The following COL23A1 variants were observed in gnomAD, a reference collection of about 807,000 sequenced individuals.
The protein encoded by COL23A1 is collagen type XXIII alpha 1 chain.
In COL23A1, 97 loss-of-function variants were observed where a neutral mutation model predicts 99.3. The ratio of observed to expected loss-of-function variants is 0.98; its 90% confidence interval spans 0.83 to 1.16. The LOEUF is 1.16. Ranked by LOEUF, COL23A1 falls within the 50% of genes most tolerant of loss-of-function variation. COL23A1 has a pLI of 0.00. For missense variants in COL23A1, 762 were observed against 757.4 expected (o/e 1.01, Z -0.07); for synonymous variants, 320 against 308.2 (o/e 1.04, Z -0.40).
intron 2 of COL23A1, among the ~76,000 whole-genome samples, chr5:178,475,358 T>C (rs997541025): frequency 9.9e-5 from 15 of 152,042 alleles, no homozygotes; most frequent in African/African-American, 3.6e-4. Flanking sequence ...TTGGAAAAGA[T>C]GCCATTGAAG....
At chr5:178,316,530 A>G (rs1758992815) in intron 2 of COL23A1, among the ~76,000 whole-genome samples, 2 of 152,200 alleles carry the variant, frequency 1.3e-5, no homozygotes, top group Admixed American at 6.5e-5. Context: ...CCTTGCTTAG[A>G]AGTGCTCCTA....
chr5:178,254,916 TA>T, intron 16 of COL23A1, 32 bp downstream of exon 16: 1 of 1,579,248 alleles, frequency 6.3e-7, no homozygotes, highest in African/African-American at 1.4e-5. Context: ...AAATCGTATC[TA>T]AGGCACATCC....
At chr5:178,326,653 C>T (rs945622393) in intron 2 of COL23A1, among the ~76,000 whole-genome samples, 1 of 152,204 alleles carries the variant, frequency 6.6e-6, no homozygotes, top group African/African-American at 2.4e-5. Context: ...CTTTTCCCTC[C>T]ACTCACGTTC....
chr5:178,423,755 C>T (rs1197201062), intron 2 of COL23A1, among the ~76,000 whole-genome samples: 1 of 152,136 alleles, frequency 6.6e-6, no homozygotes, highest in Non-Finnish European at 1.5e-5. Flanking sequence ...GAAACTGAGG[C>T]TTGGTGAGGG....
At chr5:178,289,300 T>C (rs1484709093) in intron 4 of COL23A1, among the ~76,000 whole-genome samples, 2 of 152,154 alleles carry the variant, frequency 1.3e-5, no homozygotes, top group Non-Finnish European at 1.5e-5. Flanking sequence ...TAACTGGGAT[T>C]TACCGGGCTC....
chr5:178,277,928 G>A (rs1464827810), intron 5 of COL23A1, among the ~76,000 whole-genome samples: 1 of 152,206 alleles, frequency 6.6e-6, no homozygotes, highest in African/African-American at 2.4e-5. Flanking sequence ...GATGGAGGAT[G>A]GGACCGGCGG....
In COL23A1 at chr5:178,434,363, T is replaced by C. The variant is rs1766433223; in HGVS notation, c.361+126319A>G. On this transcript the variant is annotated intron_variant, in intron 2 of 28. Coordinates refer to ENST00000390654, the MANE Select transcript of COL23A1 (RefSeq NM_173465.4). The surrounding 1 kb of genome is among the most constrained non-coding windows in gnomAD (Gnocchi z 4.3). ...CCAGGACAGATGCAGCAACCACACA[T>C]GGTCCCACCAGGACAGCGCCCCTGC... 6.6e-6 allele frequency among the ~76,000 whole-genome samples: 1 copy of C among 152,204 alleles called. No individual in the cohort carries two copies. Among genetic ancestry groups the C allele is most frequent in the African/African-American group, 2.4e-5 (1 of 41,454 alleles).
chr5:178,382,908 G>C (rs1376984244), intron 2 of COL23A1, among the ~76,000 whole-genome samples: 1 of 152,188 alleles, frequency 6.6e-6, no homozygotes, highest in Non-Finnish European at 1.5e-5. Flanking sequence ...AGTGAAACCA[G>C]GTGGCAACCA....
rs186592151 is a variant in COL23A1, at chr5:178,343,863, A to G, written c.362-36944T>C. The stretch of plus-strand genomic sequence containing the variant: ...TTTTTAGTAGAGATGGAGTTTCACC[A>G]TGTTGGCCAGGATGGTCTCGATCTC... On this transcript the variant is annotated intron_variant, in intron 2 of 28. Coordinates refer to ENST00000390654, the MANE Select transcript of COL23A1 (RefSeq NM_173465.4). Among the ~76,000 whole-genome samples the G allele has an allele frequency of 1.2e-4, 19 of 152,124 alleles. No homozygotes were observed. The East Asian group carries it at 3.3e-3, about 26-fold the overall frequency.
At chr5:178,325,156 CCCAGGCT>C (rs1177182139) in intron 2 of COL23A1, among the ~76,000 whole-genome samples, 22 of 152,300 alleles carry the variant, frequency 1.4e-4, no homozygotes, top group African/African-American at 5.1e-4. Context: ...CCAGCGTCTC[CCCAGGCT>C]CCAGGCTCCA....
chr5:178,311,756 A>G (rs1227038186), intron 2 of COL23A1, among the ~76,000 whole-genome samples: 3 of 118,598 alleles, frequency 2.5e-5, no homozygotes, highest in Non-Finnish European at 1.7e-5. Context: ...TTTGAGACGG[A>G]GTCTCACTCT....
chr5:178,478,365 G>A (rs1757142693), intron 2 of COL23A1, among the ~76,000 whole-genome samples: 1 of 152,186 alleles, frequency 6.6e-6, no homozygotes, highest in African/African-American at 2.4e-5. Context: ...CTGTTCCCCT[G>A]GGCTATGAGG....
In COL23A1 at chr5:178,280,521, C is replaced by T. The variant is rs376289904; in HGVS notation, c.441+7803G>A. ...CATCGTGCCAGCCCTGGGTCCTGGT[C>T]GGGGGCAGCTTCATACCAAAATCAC... On this transcript the variant is annotated intron_variant, in intron 5 of 28. Coordinates refer to ENST00000390654, the MANE Select transcript of COL23A1 (RefSeq NM_173465.4). This position sits in a 1 kb window ranked among gnomAD's most constrained non-coding sequence, Gnocchi z 4.9. Among the ~76,000 whole-genome samples, 6 of 152,230 alleles carry T rather than the reference C, an allele frequency of 3.9e-5. 1 individual carries two copies. The East Asian group carries it at 9.6e-4, about 24-fold the overall frequency.
At chr5:178,480,299 G>A (rs1011730267) in intron 2 of COL23A1, among the ~76,000 whole-genome samples, 1 of 152,182 alleles carries the variant, frequency 6.6e-6, no homozygotes, top group Non-Finnish European at 1.5e-5. Flanking sequence ...AGACAGGTCA[G>A]GTTCCAGACC....
At chr5:178,462,987 G>C (rs1031097903) in intron 2 of COL23A1, among the ~76,000 whole-genome samples, 1 of 152,278 alleles carries the variant, frequency 6.6e-6, no homozygotes, top group Admixed American at 6.5e-5. Context: ...AGAACCAGCT[G>C]AAGGCTGGCA....
At chr5:178,542,042 A>C (rs2113343187) in intron 2 of COL23A1, among the ~76,000 whole-genome samples, 1 of 152,170 alleles carries the variant, frequency 6.6e-6, no homozygotes, top group East Asian at 1.9e-4. Flanking sequence ...TGTTGTTTTG[A>C]GATGGAGTTT....
At chr5:178,331,709 CAG>C (rs1264881926) in intron 2 of COL23A1, among the ~76,000 whole-genome samples, 1 of 152,200 alleles carries the variant, frequency 6.6e-6, no homozygotes, top group African/African-American at 2.4e-5. Context: ...GGGCCATGTG[CAG>C]AGTTTTTCAT....
At position 178,256,509 on chromosome 5, in the gene COL23A1, G is replaced by A; in HGVS notation, c.838-112C>T. ...AGGAGGGCCCAGGGCCCGAGTGCTG[G>A]AACCCTAATAGCCAAATGTATGAGA... is the stretch of plus-strand genomic sequence containing the variant. On this transcript the variant is annotated intron_variant, in intron 14 of 28. Coordinates refer to ENST00000390654, the MANE Select transcript of COL23A1 (RefSeq NM_173465.4). 4.0e-6 allele frequency: 4 copies of A among 998,868 alleles called. No homozygotes were observed. In the South Asian group the frequency reaches 7.9e-5, roughly 20 times the overall value. 61.9% of individuals were successfully genotyped at this position (998,868 alleles called of 1,614,324 possible).
chr5:178,332,749 T>C (rs1414523172), intron 2 of COL23A1, among the ~76,000 whole-genome samples: 1 of 151,934 alleles, frequency 6.6e-6, no homozygotes, highest in Non-Finnish European at 1.5e-5. Context: ...TGGTAAATGG[T>C]GATCGACGCT....
Sources: allele counts gnomAD v4.1 joint callset (sites outside exome capture counted in the v4.1 genomes callset), GRCh38; gene constraint gnomAD v4.1.1; non-coding constraint Gnocchi (gnomAD v3.1); transcripts MANE v1.5; gene names NCBI Gene and HGNC (gene_info 2026-07-23, HGNC 2026-07-21).